RYR2: variants seen among roughly 807,000 people sequenced by gnomAD.
The protein encoded by RYR2 is cardiac muscle ryanodine receptor-calcium release channel.
A neutral mutation model predicts 601.1 loss-of-function variants in RYR2; 227 were observed. The observed-to-expected ratio is 0.38, with a 90% CI of 0.34 to 0.42. The LOEUF (loss-of-function observed/expected upper bound fraction) is 0.42. Among genes scored for constraint, RYR2 ranks in the 10% least tolerant of loss-of-function variants. RYR2 has a pLI of 1.00. For missense variants in RYR2, 4,646 were observed against 6,156.5 expected (o/e 0.75, Z 8.21); for synonymous variants, 2,223 against 2,175.1 (o/e 1.02, Z -0.61).
chr1:237,358,349 C>A (rs1015583090), intron 4 of RYR2, among the ~76,000 whole-genome samples: 1 of 152,050 alleles, frequency 6.6e-6, no homozygotes, highest in African/African-American at 2.4e-5. Context: ...CTTGCCCCGC[C>A]GGGTTCCTCA....
chr1:237,673,410 C>T (rs957428335), intron 58 of RYR2, among the ~76,000 whole-genome samples: 1 of 151,672 alleles, frequency 6.6e-6, no homozygotes, highest in Non-Finnish European at 1.5e-5. Context: ...TTTAAATTTA[C>T]ATATTTTCTA....
chr1:237,219,640 A>G (rs1683582424), intron 1 of RYR2, among the ~76,000 whole-genome samples: 1 of 152,192 alleles, frequency 6.6e-6, no homozygotes, highest in South Asian at 2.1e-4. Context: ...CACAAACCTG[A>G]GATCCTGCTA....
At chr1:237,268,753 T>G (rs1224944112) in intron 1 of RYR2, among the ~76,000 whole-genome samples, 1 of 151,188 alleles carries the variant, frequency 6.6e-6, no homozygotes, top group African/African-American at 2.4e-5. Flanking sequence ...CTGACCAACA[T>G]GGTGAAACCC....
intron 38 of RYR2, among the ~76,000 whole-genome samples, chr1:237,623,204 G>A (rs908390362): frequency 4.6e-5 from 7 of 152,184 alleles, no homozygotes; most frequent in East Asian, 3.9e-4. Flanking sequence ...AGGAAGAAAC[G>A]TTATATGACT....
Position 237,454,532 on chromosome 1 carries a change from A to G in RYR2, c.1434A>G (p.Arg478=), listed in dbSNP as rs1261563809. 1 of 1,613,458 alleles carries G rather than the reference A, an allele frequency of 6.2e-7. No individual in the cohort carries two copies. The highest frequency in any genetic ancestry group is 2.2e-5 in the East Asian group (1 of 44,820). Residue 478 remains arginine, a synonymous_variant, in exon 15 of 105, where the codon AGA becomes AGG. Coordinates refer to ENST00000366574, the MANE Select transcript of RYR2 (RefSeq NM_001035.3). The part of the protein sequence containing the change: ...EHLEHEDKQN[R]LRALKNRQNL... ...TAGAGCATGAAGACAAACAGAACAG[A>G]CTACGAGCCCTGAAGAATCGGCAAA...
intron 84 of RYR2, among the ~76,000 whole-genome samples, chr1:237,766,735 AT>A (rs568893896): frequency 4.3e-4 from 66 of 152,126 alleles, no homozygotes; most frequent in African/African-American, 1.4e-3. Flanking sequence ...AAGCAAAGGG[AT>A]TTTTTTTCCG....
intron 1 of RYR2, among the ~76,000 whole-genome samples, chr1:237,204,255 C>T (rs533880642): frequency 5.9e-5 from 9 of 151,950 alleles, no homozygotes; most frequent in African/African-American, 2.2e-4. Context: ...GTGATCCACC[C>T]GCCTTGGCTT....
At chr1:237,046,491 C>T (rs565300856) in intron 1 of RYR2, among the ~76,000 whole-genome samples, 9 of 152,248 alleles carry the variant, frequency 5.9e-5, no homozygotes, top group East Asian at 5.8e-4. Flanking sequence ...AATGAAGCTA[C>T]GAGGAGCTTT....
At position 237,794,522 on chromosome 1, in the gene RYR2, AGCCCT is replaced by A. The variant is rs1311068409; in HGVS notation, c.13913+527_13913+531del. Among the ~76,000 whole-genome samples the A allele has an allele frequency of 2.6e-5, 4 of 152,350 alleles. No homozygotes were observed. In the East Asian group the frequency reaches 5.8e-4, roughly 22 times the overall value. On this transcript the variant is annotated intron_variant, in intron 95 of 104. Transcript: ENST00000366574. Reference sequence around the variant, plus strand: ...TGCTTTTTCTATCCAATAAACATTTAGCCCTGTGAGATCAAGACCCAAACTACTAG... The same window carrying A: ...TGCTTTTTCTATCCAATAAACATTTAGTGAGATCAAGACCCAAACTACTAG...
At chr1:237,314,084 A>G (rs1832390) in intron 2 of RYR2, among the ~76,000 whole-genome samples, 9,799 of 45,414 alleles carry the variant, frequency 0.22, 899 homozygotes, top group African/African-American at 0.34. Flanking sequence ...TTTTTTTTTG[A>G]GATGGAGTCT....
intron 1 of RYR2, among the ~76,000 whole-genome samples, chr1:237,102,963 T>C (rs7511682): frequency 0.34 from 51,046 of 152,202 alleles, 9,631 homozygotes; most frequent in Middle Eastern, 0.42. Context: ...GTTAAGTATA[T>C]GCACACCGTT....
At chr1:237,613,434 AT>A (rs1185730177) in intron 36 of RYR2, among the ~76,000 whole-genome samples, 2 of 152,136 alleles carry the variant, frequency 1.3e-5, no homozygotes. Flanking sequence ...TATGAAAGAA[AT>A]TTCTCCACTA....
chr1:237,546,976 C>CATAT lies in RYR2; in HGVS notation c.2907-1438_2907-1435dup, dbSNP rs558814390. Among the ~76,000 whole-genome samples the CATAT allele has an allele frequency of 5.1e-3, 495 of 97,472 alleles. 10 individuals are homozygous for CATAT. Among genetic ancestry groups the CATAT allele is most frequent in the African/African-American group, 0.014 (462 of 32,648 alleles). The allele number at this position is 97,472 out of a possible 152,430, so 63.9% of individuals were successfully genotyped here. A position where few individuals can be genotyped will look rare whatever the true frequency, so the allele number is the denominator to read the frequency against. On this transcript the variant is annotated intron_variant, in intron 25 of 104. Coordinates refer to ENST00000366574, the MANE Select transcript of RYR2 (RefSeq NM_001035.3). ...AGAATTTGTAGTTTATTTTCAAAAG[C>CATAT]ATATATATATATATATATATTTATT...
intron 1 of RYR2, among the ~76,000 whole-genome samples, chr1:237,085,417 A>C (rs1412500041): frequency 6.6e-6 from 1 of 152,166 alleles, no homozygotes; most frequent in Non-Finnish European, 1.5e-5. Context: ...AATAAAATCT[A>C]CCCCATCAGA....
At chr1:237,245,329 C>T (rs963342345) in intron 1 of RYR2, among the ~76,000 whole-genome samples, 2 of 152,126 alleles carry the variant, frequency 1.3e-5, no homozygotes, top group African/African-American at 4.8e-5. Context: ...TTGGGCATGG[C>T]ATGGCTTACC....
At chr1:237,481,110 A>ATG (rs151233521) in intron 17 of RYR2, among the ~76,000 whole-genome samples, 44,672 of 131,606 alleles carry the variant, frequency 0.34, 8,465 homozygotes, top group African/African-American at 0.64. Context: ...ATATATACAT[A>ATG]TATATATATA....
At chr1:237,423,871 T>A (rs1334600559) in intron 12 of RYR2, among the ~76,000 whole-genome samples, 1 of 152,164 alleles carries the variant, frequency 6.6e-6, no homozygotes, top group African/African-American at 2.4e-5. Flanking sequence ...TGATTTATAA[T>A]GAAAAGGAGT....
At chr1:237,518,257 T>G (rs1346917493) in intron 24 of RYR2, among the ~76,000 whole-genome samples, 1 of 152,060 alleles carries the variant, frequency 6.6e-6, no homozygotes, top group African/African-American at 2.4e-5. Context: ...CTATTGTTTT[T>G]TTTTGCCTTT....
At chr1:237,643,542 A>T (rs1336350015) in intron 48 of RYR2, 95 bp downstream of exon 48, 1 of 1,411,978 alleles carries the variant, frequency 7.1e-7, no homozygotes, top group Non-Finnish European at 9.9e-7. Context: ...CAACCTCTCC[A>T]CTTCCTAAAT....
Sources: gnomAD v4.1 joint callset for allele counts (sites outside exome capture counted in the v4.1 genomes callset) on GRCh38, gnomAD v4.1.1 for gene constraint, MANE v1.5 for transcripts, NCBI Gene and HGNC (gene_info 2026-07-23, HGNC 2026-07-21) for gene names.